Variants in TRAF2 observed in about 807,000 individuals in gnomAD.
TRAF2 encodes TNF receptor-associated factor 2.
TRAF2 carries 6 observed loss-of-function variants against 55.6 expected under a neutral mutation model. The ratio of observed to expected loss-of-function variants is 0.11; its 90% CI spans 0.06 to 0.21. The LOEUF is 0.21. Ranked by LOEUF, TRAF2 falls within the 10% of genes least tolerant of loss-of-function variation. TRAF2 has a pLI of 1.00. For synonymous variants in TRAF2, 329 were observed against 276.3 expected, an observed-to-expected ratio of 1.19 and a Z score of -1.89; for missense variants, 561 against 684.5, an observed-to-expected ratio of 0.82 and a Z score of 2.01.
intron 5 of TRAF2, among the ~76,000 whole-genome samples, chr9:136,908,957 G>C (rs1169828355): frequency 6.7e-6 from 1 of 148,930 alleles, no homozygotes; most frequent in Non-Finnish European, 1.5e-5. Context: ...AGAATTGCTT[G>C]AACCCAGGAG....
intron 1 of TRAF2, 158 bp from the exon 2 acceptor site, chr9:136,898,555 C>T: frequency 2.0e-6 from 2 of 984,344 alleles, no homozygotes; most frequent in Non-Finnish European, 2.4e-6. Flanking sequence ...GTCTCCAAGG[C>T]TCCCTGAAGC....
chr9:136,894,938 GT>G (rs1849650332), intron 1 of TRAF2, among the ~76,000 whole-genome samples: 2 of 152,204 alleles, frequency 1.3e-5, no homozygotes, highest in African/African-American at 4.8e-5. Flanking sequence ...GATCACACTT[GT>G]GAATAGACAG....
At chr9:136,886,777 C>T (rs1387505399) in intron 1 of TRAF2, 3 of 206,646 alleles carry the variant, frequency 1.5e-5, no homozygotes, top group South Asian at 1.7e-4. Context: ...TTCGGGAACG[C>T]GCGCGGCCGT....
intron 5 of TRAF2, 55 bp from the exon 6 acceptor site, chr9:136,909,865 C>T (rs976599145): frequency 4.4e-5 from 70 of 1,587,544 alleles, no homozygotes; most frequent in Non-Finnish European, 5.4e-5. Context: ...TGCCGCCCTC[C>T]ACCCGCGCCT....
At chr9:136,916,422 A>G (rs1310115641) in intron 6 of TRAF2, 119 bp from the exon 7 acceptor site, 7 of 952,886 alleles carry the variant, frequency 7.3e-6, no homozygotes, top group Non-Finnish European at 1.2e-5. Flanking sequence ...TCAGTGTGAG[A>G]GTGAAGAGGC....
At position 136,923,715 on chromosome 9, in the gene TRAF2, AAC is replaced by A; in HGVS notation, c.1139-136_1139-135del. On this transcript the variant is annotated intron_variant, in intron 9 of 10. Transcript: ENST00000247668. ...TAACTGCATAGTTTGAGGGAAAAAAAACTTTTCTTTGCACCCCAGAACCTGAA... is the reference window on the plus strand; with the variant it reads ...TAACTGCATAGTTTGAGGGAAAAAAATTTTCTTTGCACCCCAGAACCTGAA... 8.5e-6 allele frequency: 6 copies of A among 704,186 alleles called. 1 individual carries two copies. The highest frequency in any genetic ancestry group is 3.4e-5 in the African/African-American group (1 of 29,006). The allele number at this position is 704,186 out of a possible 1,614,324, so 43.6% of individuals were successfully genotyped here.
chr9:136,912,318 C>T (rs1345244855), intron 6 of TRAF2, among the ~76,000 whole-genome samples: 2 of 151,846 alleles, frequency 1.3e-5, no homozygotes, highest in Non-Finnish European at 2.9e-5. Context: ...CCTGCCACTC[C>T]ACCTAGCTAA....
At chr9:136,925,241 C>G (rs936311661) in intron 10 of TRAF2, among the ~76,000 whole-genome samples, 1 of 152,212 alleles carries the variant, frequency 6.6e-6, no homozygotes, top group African/African-American at 2.4e-5. Flanking sequence ...CTGGGGCATC[C>G]AGGTTCACAG....
intron 6 of TRAF2, among the ~76,000 whole-genome samples, chr9:136,911,822 C>T (rs1357381617): frequency 7.5e-6 from 1 of 133,072 alleles, no homozygotes; most frequent in African/African-American, 2.8e-5. Context: ...ATGTGTGTGG[C>T]GTGCTTGGGA....
intron 4 of TRAF2, among the ~76,000 whole-genome samples, chr9:136,902,603 A>G (rs919072584): frequency 7.2e-5 from 11 of 152,206 alleles, no homozygotes; most frequent in Admixed American, 1.3e-4. Flanking sequence ...GAGCTCTGGA[A>G]AGTCCCTGAG....
At chr9:136,883,578 G>A (rs879524543), upstream of TRAF2, among the ~76,000 whole-genome samples, 2 of 152,072 alleles carry the variant, frequency 1.3e-5, no homozygotes, top group East Asian at 1.9e-4. Flanking sequence ...ATGCAGTGGC[G>A]TAATCTCGGC....
At chr9:136,884,074 C>T (rs1228281431), upstream of TRAF2, among the ~76,000 whole-genome samples, 1 of 151,838 alleles carries the variant, frequency 6.6e-6, no homozygotes, top group Non-Finnish European at 1.5e-5. Flanking sequence ...CTGCCCACCT[C>T]GGCCTCCCAA....
chr9:136,902,073 C>T (rs1045701736), intron 4 of TRAF2: 2 of 152,286 alleles, frequency 1.3e-5, no homozygotes, highest in East Asian at 1.9e-4. Flanking sequence ...GGGCACTGCC[C>T]TAGAGTGAGA....
At chr9:136,917,067 C>T (rs1300461715) in intron 7 of TRAF2, among the ~76,000 whole-genome samples, 4 of 152,204 alleles carry the variant, frequency 2.6e-5, no homozygotes, top group African/African-American at 9.7e-5. Context: ...TCATGCTTCA[C>T]GTTCGGGCTG....
chr9:136,882,066 C>G (rs1849381476), upstream of TRAF2: 2 of 984,286 alleles, frequency 2.0e-6, no homozygotes, highest in Non-Finnish European at 2.4e-6. Context: ...GCACCAGGCA[C>G]ACAAGGGTCC....
intron 4 of TRAF2, among the ~76,000 whole-genome samples, chr9:136,903,678 G>T (rs931714056): frequency 3.3e-5 from 5 of 151,222 alleles, no homozygotes; most frequent in Non-Finnish European, 2.9e-5. Flanking sequence ...GGTTTTTTTT[G>T]TTTGTTTGTT....
chr9:136,920,751 G>A (rs1850365470), intron 8 of TRAF2, among the ~76,000 whole-genome samples: 1 of 152,356 alleles, frequency 6.6e-6, no homozygotes, highest in South Asian at 2.1e-4. Context: ...GTGGGCAGGA[G>A]CCTCTTCTCT....
chr9:136,885,362 G>A (rs12683535), upstream of TRAF2, among the ~76,000 whole-genome samples: 2 of 152,180 alleles, frequency 1.3e-5, no homozygotes, highest in East Asian at 3.8e-4. Flanking sequence ...TGGATGGAGA[G>A]GGGGTGGTGT....
intron 9 of TRAF2, 108 bp downstream of exon 9, chr9:136,921,323 C>T (rs537979779): frequency 3.8e-5 from 52 of 1,383,226 alleles, no homozygotes; most frequent in Non-Finnish European, 4.2e-5. Context: ...GGCTGGGATA[C>T]GACCCCCAGT....
Sources: gnomAD v4.1 joint callset for allele counts (sites outside exome capture counted in the v4.1 genomes callset) on GRCh38, gnomAD v4.1.1 for gene constraint, MANE v1.5 for transcripts, NCBI Gene and HGNC (gene_info 2026-07-23, HGNC 2026-07-21) for gene names.